Variants in GATM observed in about 807,000 individuals in gnomAD.
The protein encoded by GATM is glycine amidinotransferase.
A neutral mutation model predicts 54.2 loss-of-function variants in GATM; 23 were observed. The observed-to-expected ratio is 0.42, with a 90% CI of 0.31 to 0.60. The LOEUF (loss-of-function observed/expected upper bound fraction) is 0.60. GATM is among the 20% of genes least tolerant of loss of function. The pLI, the probability that GATM is intolerant of heterozygous loss-of-function variation, is 0.14. For missense variants in GATM, 401 were observed against 544.9 expected (o/e 0.74, Z 2.63); for synonymous variants, 168 against 183.1 (o/e 0.92, Z 0.67).
At chr15:45,400,077 C>A (rs1889980716) in intron 1 of GATM, among the ~76,000 whole-genome samples, 1 of 152,106 alleles carries the variant, frequency 6.6e-6, no homozygotes, top group African/African-American at 2.4e-5. Context: ...CAAAAGTTAG[C>A]CAGGCGTGGT....
At chr15:45,363,148 T>C (rs1331892580) in intron 8 of GATM, among the ~76,000 whole-genome samples, 2 of 152,096 alleles carry the variant, frequency 1.3e-5, no homozygotes, top group Non-Finnish European at 2.9e-5. Flanking sequence ...GGTGTATGCT[T>C]GTAATCCCAG....
chr15:45,377,454 T>C (rs900992112), intron 1 of GATM: 2 of 357,930 alleles, frequency 5.6e-6, no homozygotes, highest in Admixed American at 7.6e-5. Context: ...CACAGTACCC[T>C]AGCCAAGGTC....
At chr15:45,369,641 T>C (rs1411582149) in intron 2 of GATM, 120 bp from the exon 3 acceptor site, 13 of 827,110 alleles carry the variant, frequency 1.6e-5, no homozygotes, top group Non-Finnish European at 2.4e-5. Context: ...AACCACTCCA[T>C]GTTCAGTGCT....
intron 6 of GATM, among the ~76,000 whole-genome samples, chr15:45,365,662 T>G (rs1383574287): frequency 6.6e-6 from 1 of 152,184 alleles, no homozygotes; most frequent in Admixed American, 6.5e-5. Context: ...GTAGAGGGAA[T>G]ACAACCACTG....
intron 3 of GATM, among the ~76,000 whole-genome samples, chr15:45,384,227 G>C (rs74009634): frequency 6.6e-6 from 1 of 152,134 alleles, no homozygotes; most frequent in South Asian, 2.1e-4. Context: ...ATATTGTGTC[G>C]CATGCTGCCA....
intron 1 of GATM, chr15:45,377,021 T>C (rs1311348285): frequency 1.6e-6 from 1 of 619,150 alleles, no homozygotes; most frequent in Non-Finnish European, 2.9e-6. Flanking sequence ...TATCTACAAA[T>C]TGTCTTCTTA....
At chr15:45,391,416 A>G (rs1889873198) in intron 3 of GATM, among the ~76,000 whole-genome samples, 1 of 152,122 alleles carries the variant, frequency 6.6e-6, no homozygotes, top group Admixed American at 6.6e-5. Context: ...TATCTCAAAA[A>G]ACAACAACAA....
chr15:45,374,432 A>T (rs980280124), intron 2 of GATM, among the ~76,000 whole-genome samples: 2 of 152,240 alleles, frequency 1.3e-5, no homozygotes, highest in Non-Finnish European at 1.5e-5. Context: ...CACCCAATTA[A>T]AATGGTTAGG....
At position 45,362,081 on chromosome 15, in the gene GATM, G is replaced by A. The variant is rs570994409; in HGVS notation, c.*28C>T. 6.3e-4 allele frequency: 880 copies of A among 1,391,220 alleles called. 7 individuals are homozygous for A. The South Asian group carries it at 9.7e-3, about 15-fold the overall frequency. 86.2% of individuals were successfully genotyped at this position (1,391,220 alleles called of 1,614,324 possible). The stretch of plus-strand genomic sequence containing the variant: ...CCCTAAGCTTCTTAGGTGTATCTGA[G>A]GCCAGCCACAAGCTCCATCAGGCCT... On this transcript the variant is annotated 3_prime_UTR_variant, in exon 9 of 9. Coordinates refer to ENST00000396659, the MANE Select transcript of GATM (RefSeq NM_001482.3).
intron 2 of GATM, 77 bp from the exon 3 acceptor site, chr15:45,369,598 G>T: frequency 7.9e-7 from 1 of 1,269,826 alleles, no homozygotes; most frequent in Non-Finnish European, 1.1e-6. Context: ...GCAGTAAACA[G>T]CTCTTTGTAT....
intron 3 of GATM, among the ~76,000 whole-genome samples, chr15:45,391,582 T>A (rs1889874618): frequency 6.6e-6 from 1 of 152,264 alleles, no homozygotes; most frequent in African/African-American, 2.4e-5. Context: ...ATTTCTTGAA[T>A]AGATTTGTTT....
intron 6 of GATM, 117 bp from the exon 7 acceptor site, chr15:45,364,977 C>A: frequency 1.2e-6 from 1 of 814,274 alleles, no homozygotes; most frequent in South Asian, 1.7e-5. Context: ...TTCTCAGCTT[C>A]CAAAAGAAAG....
At position 45,362,237 on chromosome 15, in the gene GATM, G is replaced by A; in HGVS notation, c.1160-16C>T. 1 of 1,452,792 alleles carries A rather than the reference G, an allele frequency of 6.9e-7. No homozygotes were observed. The highest frequency in any genetic ancestry group is 1.4e-5 in the African/African-American group (1 of 71,692). The allele number at this position is 1,452,792 out of a possible 1,614,324, so 90.0% of individuals were successfully genotyped here. ...GTAGTGATACCTGCATTGAAAGAGA[G>A]ATGAGGTCAGTTAGATGGACTAACA... On this transcript the variant is annotated splice_polypyrimidine_tract_variant and intron_variant, in intron 8 of 8. Transcript: ENST00000396659.
rs1889369514 is a variant in GATM at position 45,361,810 on chromosome 15, G to C, written c.*299C>G. 1.9e-6 allele frequency: 1 copy of C among 522,586 alleles called. No homozygotes were observed. Among genetic ancestry groups the C allele is most frequent in the Non-Finnish European group, 3.4e-6 (1 of 298,468 alleles). The allele number at this position is 522,586 out of a possible 1,614,324, so 32.4% of individuals were successfully genotyped here. A position where few individuals can be genotyped will look rare whatever the true frequency, so the allele number is the denominator to read the frequency against. On this transcript the variant is annotated 3_prime_UTR_variant, in exon 9 of 9. Coordinates refer to ENST00000396659, the MANE Select transcript of GATM (RefSeq NM_001482.3). The stretch of plus-strand genomic sequence containing the variant: ...AGAAAATTAAAAACAGAGGTAGATG[G>C]TTAATTATTAGTGGCCAAGTTACTC...
At chr15:45,393,289 T>G (rs9788780) in intron 3 of GATM, among the ~76,000 whole-genome samples, 6 of 151,984 alleles carry the variant, frequency 3.9e-5, no homozygotes, top group Non-Finnish European at 8.8e-5. Flanking sequence ...CATAGTGTAG[T>G]GGTTCAGAGT....
chr15:45,367,648 T>C (rs1355170470), intron 4 of GATM, among the ~76,000 whole-genome samples: 1 of 152,230 alleles, frequency 6.6e-6, no homozygotes, highest in African/African-American at 2.4e-5. Flanking sequence ...TACTGTGAAT[T>C]TGAACTGTAG....
intron 1 of GATM, among the ~76,000 whole-genome samples, chr15:45,401,080 AT>A (rs1301407130): frequency 2.6e-5 from 4 of 152,216 alleles, no homozygotes; most frequent in African/African-American, 9.7e-5. Context: ...TGGGTGACTT[AT>A]CCATTTCAAG....
chr15:45,394,426 A>G (rs1029434796), intron 3 of GATM, among the ~76,000 whole-genome samples: 2 of 152,216 alleles, frequency 1.3e-5, no homozygotes, highest in Non-Finnish European at 2.9e-5. Context: ...TAGAGGAAAG[A>G]CAGACAGGAA....
At position 45,364,920 on chromosome 15, in the gene GATM, A is replaced by C. The variant is rs184791416; in HGVS notation, c.979-60T>G. ...ATCTACATATACTATTATTATTATT[A>C]GTCTCTAATAGCCCTTATCAGTAAT... On this transcript the variant is annotated intron_variant, in intron 6 of 8. Transcript: ENST00000396659. The C allele has an allele frequency of 1.5e-5, 19 of 1,287,986 alleles. No homozygotes were observed. The African/African-American group carries it at 2.4e-4, about 16-fold the overall frequency. 79.8% of individuals were successfully genotyped at this position (1,287,986 alleles called of 1,614,324 possible).
Sources: allele counts gnomAD v4.1 joint callset (sites outside exome capture counted in the v4.1 genomes callset), GRCh38; gene constraint gnomAD v4.1.1; transcripts MANE v1.5; gene names NCBI Gene and HGNC (gene_info 2026-07-23, HGNC 2026-07-21).